Variants in CLTC observed in about 807,000 individuals in gnomAD.
CLTC encodes the protein clathrin heavy chain, also known as clathrin heavy chain 1.
CLTC carries 16 observed loss-of-function variants against 195.8 expected under a neutral mutation model. The observed-to-expected ratio is 0.08, with a 90% CI of 0.06 to 0.12. The LOEUF is 0.12. Among genes scored for constraint, CLTC ranks in the 10% least tolerant of loss-of-function variants. The pLI is 1.00. For synonymous variants in CLTC, 667 were observed against 689.4 expected (o/e 0.97, Z 0.51); for missense variants, 796 against 2,027.0 (o/e 0.39, Z 11.66).
chr17:59,645,800 GA>G (rs528442673), intron 2 of CLTC, among the ~76,000 whole-genome samples: 7 of 152,042 alleles, frequency 4.6e-5, no homozygotes, highest in Non-Finnish European at 1.0e-4. Flanking sequence ...TTTCACATAG[GA>G]CCAGATGTTT....
intron 1 of CLTC, among the ~76,000 whole-genome samples, chr17:59,637,861 A>G (rs2031914665): frequency 6.6e-6 from 1 of 151,324 alleles, no homozygotes; most frequent in South Asian, 2.1e-4. Flanking sequence ...AGCTGCAGTG[A>G]CCCATGATTG....
At chr17:59,635,372 C>T (rs1390227473) in intron 1 of CLTC, among the ~76,000 whole-genome samples, 1 of 152,162 alleles carries the variant, frequency 6.6e-6, no homozygotes, top group African/African-American at 2.4e-5. Context: ...ATCTATGATT[C>T]ATTAGGAAGC....
Position 59,685,062 on chromosome 17 carries a change from C to A in CLTC, c.4441C>A (p.Arg1481=). ...FITEEDYQAL[R]TSIDAYDNFD... ...ATGGCTTTTTTTTTTTAAGGCTCTG[C>A]GAACATCAATAGATGCTTATGACAA... The change falls in exon 29 of 32, where the codon CGA becomes AGA. Residue 1481 remains arginine (R), a synonymous_variant. Transcript: ENST00000269122. This position sits in a 1 kb window ranked among gnomAD's most constrained non-coding sequence, Gnocchi z 5.0. 6.4e-7 allele frequency: 1 copy of A among 1,562,812 alleles called. No individual in the cohort carries two copies. Among genetic ancestry groups the A allele is most frequent in the Non-Finnish European group, 8.7e-7 (1 of 1,149,368 alleles).
chr17:59,648,531 T>G lies in CLTC; in HGVS notation c.681+130T>G. 1 of 888,612 alleles carries G rather than the reference T, an allele frequency of 1.1e-6. No individual in the cohort carries two copies. Among genetic ancestry groups the G allele is most frequent in the South Asian group, 1.8e-5 (1 of 54,648 alleles). The allele number at this position is 888,612 out of a possible 1,614,324, so 55.0% of individuals were successfully genotyped here. A position where few individuals can be genotyped will look rare whatever the true frequency, so the allele number is the denominator to read the frequency against. On this transcript the variant is annotated intron_variant, in intron 4 of 31. Transcript: ENST00000269122. The surrounding 1 kb of genome is among the most constrained non-coding windows in gnomAD (Gnocchi z 4.5). ...TTTAGTATTCACATTTGTGGTGACTTAATTTGTTCAAATTTTGCATCTAGT... is the reference window on the plus strand; with the variant it reads ...TTTAGTATTCACATTTGTGGTGACTGAATTTGTTCAAATTTTGCATCTAGT...
At chr17:59,651,066 T>C in intron 4 of CLTC, 137 bp from the exon 5 acceptor site, 2 of 584,970 alleles carry the variant, frequency 3.4e-6, no homozygotes, top group Non-Finnish European at 3.1e-6. Context: ...TTCCATGGTA[T>C]GGATGTAACC....
At position 59,681,216 on chromosome 17, in the gene CLTC, T is replaced by C. The variant is rs1194791385; in HGVS notation, c.3066-79T>C. On this transcript the variant is annotated intron_variant, in intron 19 of 31. Coordinates refer to ENST00000269122, the MANE Select transcript of CLTC (RefSeq NM_004859.4). This position sits in a 1 kb window ranked among gnomAD's most constrained non-coding sequence, Gnocchi z 5.0. ...CCCTACCTCTTGAGACAAAAACCTC[T>C]CCGTTAGTCACAGTGGTTATTTTTT... 2 of 1,488,582 alleles carry C rather than the reference T, an allele frequency of 1.3e-6. No homozygotes were observed. The highest frequency in any genetic ancestry group is 2.8e-5 in the African/African-American group (2 of 71,150). 92.2% of individuals were successfully genotyped at this position (1,488,582 alleles called of 1,614,324 possible). A position where few individuals can be genotyped will look rare whatever the true frequency, so the allele number is the denominator to read the frequency against.
In CLTC at chr17:59,647,534, C is replaced by T; in HGVS notation, c.387C>T (p.His129=). 1 of 1,614,150 alleles carries T rather than the reference C, an allele frequency of 6.2e-7. No homozygotes were observed. Among genetic ancestry groups the T allele is most frequent in the Non-Finnish European group, 8.5e-7 (1 of 1,180,028 alleles). ...TTGTTACGGATAATGCAGTTTATCA[C>T]TGGAGTATGGAAGGAGAGTCTCAGC... ...VALVTDNAVY[H]WSMEGESQPV... Residue 129 remains histidine (H), a synonymous_variant, in exon 3 of 32, where the codon CAC becomes CAT. Coordinates refer to ENST00000269122, the MANE Select transcript of CLTC (RefSeq NM_004859.4).
chr17:59,689,095 AAC>A (rs1487712131), intron 30 of CLTC: 4 of 152,184 alleles, frequency 2.6e-5, no homozygotes, highest in Non-Finnish European at 5.9e-5. Context: ...GGTAATTTGT[AAC>A]ACATCATTTA....
intron 2 of CLTC, among the ~76,000 whole-genome samples, chr17:59,647,060 ATACT>A (rs1202089125): frequency 1.3e-5 from 2 of 152,262 alleles, no homozygotes; most frequent in Non-Finnish European, 1.5e-5. Context: ...TAAAGTAAAC[ATACT>A]TAATTACAAG....
chr17:59,647,817 T>G (rs2032233599), intron 3 of CLTC, 151 bp downstream of exon 3: 1 of 676,720 alleles, frequency 1.5e-6, no homozygotes, highest in Admixed American at 3.0e-5. Context: ...CTCCCATCCC[T>G]TCTCTTCTCC....
chr17:59,647,204 G>A (rs2032217795), intron 2 of CLTC, among the ~76,000 whole-genome samples, 194 bp from the exon 3 acceptor site: 2 of 152,176 alleles, frequency 1.3e-5, no homozygotes. Flanking sequence ...AGGTAATGTA[G>A]TTTTTGCTTA....
chr17:59,627,753 A>G (rs1164943324), intron 1 of CLTC, among the ~76,000 whole-genome samples: 2 of 152,200 alleles, frequency 1.3e-5, no homozygotes, highest in Non-Finnish European at 2.9e-5. Context: ...GTTAACTTGT[A>G]ACCAGGATTG....
At chr17:59,668,040 A>T (rs1210668319) in intron 13 of CLTC, among the ~76,000 whole-genome samples, 1 of 152,232 alleles carries the variant, frequency 6.6e-6, no homozygotes, top group Non-Finnish European at 1.5e-5. Flanking sequence ...TATTAAAGTG[A>T]AATAAAATTT....
At chr17:59,636,070 GT>G (rs1278289523) in intron 1 of CLTC, among the ~76,000 whole-genome samples, 1 of 151,684 alleles carries the variant, frequency 6.6e-6, no homozygotes, top group Non-Finnish European at 1.5e-5. Flanking sequence ...GGAGGTGGAG[GT>G]TGCTGTGAGC....
intron 18 of CLTC, among the ~76,000 whole-genome samples, chr17:59,680,333 T>C (rs898652731): frequency 1.3e-5 from 2 of 152,134 alleles, no homozygotes; most frequent in Admixed American, 6.5e-5. Flanking sequence ...CTAAATAAAA[T>C]AGACAACATA....
intron 30 of CLTC, among the ~76,000 whole-genome samples, chr17:59,687,893 C>G (rs538478297): frequency 5.3e-5 from 8 of 152,034 alleles, no homozygotes; most frequent in Admixed American, 2.6e-4. Context: ...AACAAACTTA[C>G]GTCTGTTATC....
intron 31 of CLTC, among the ~76,000 whole-genome samples, chr17:59,692,112 A>C (rs1194329875): frequency 6.6e-6 from 1 of 152,036 alleles, no homozygotes; most frequent in Non-Finnish European, 1.5e-5. Context: ...AGGTCAGGAG[A>C]TCAAGACCAT....
At chr17:59,691,632 A>T (rs12936696) in intron 31 of CLTC, among the ~76,000 whole-genome samples, 7,252 of 145,464 alleles carry the variant, frequency 0.05, 193 homozygotes, top group East Asian at 0.062. Flanking sequence ...TTAAAAAAAA[A>T]ATATATATAT....
intron 6 of CLTC, among the ~76,000 whole-genome samples, chr17:59,659,448 A>T (rs1056417676): frequency 8.0e-5 from 10 of 125,560 alleles, no homozygotes; most frequent in East Asian, 7.8e-4. Context: ...TTTTATTTTT[A>T]ATTAATTTTT....
Sources: allele counts gnomAD v4.1 joint callset (sites outside exome capture counted in the v4.1 genomes callset), GRCh38; gene constraint gnomAD v4.1.1; non-coding constraint Gnocchi (gnomAD v3.1); transcripts MANE v1.5; gene names NCBI Gene and HGNC (gene_info 2026-07-23, HGNC 2026-07-21).